PDE3B: variants seen among roughly 807,000 people sequenced by gnomAD.
PDE3B encodes phosphodiesterase 3B, also known as cGMP-inhibited 3',5'-cyclic phosphodiesterase 3B.
PDE3B carries 66 observed loss-of-function variants against 116.8 expected under a neutral mutation model. The observed-to-expected ratio is 0.56, with a 90% CI of 0.46 to 0.69. The LOEUF is 0.69. Ranked by LOEUF, PDE3B falls within the 30% of genes least tolerant of loss-of-function variation. The probability of loss-of-function intolerance (pLI) is 0.00; values close to 1 mark genes in which losing one functional copy is unlikely to be tolerated. For synonymous variants in PDE3B, 595 were observed against 533.6 expected (o/e 1.12, Z -1.59); for missense variants, 1,384 against 1,368.1 (o/e 1.01, Z -0.18).
intron 1 of PDE3B, among the ~76,000 whole-genome samples, chr11:14,721,665 A>G (rs1317132877): frequency 2.3e-5 from 3 of 133,312 alleles, no homozygotes; most frequent in Non-Finnish European, 3.1e-5. Flanking sequence ...TCAGTAAACT[A>G]TCGCAAGAAC....
rs1199509552 is a variant in PDE3B, at chr11:14,725,405, TTC to T, written c.979-46528_979-46527del. 1.1e-4 allele frequency among the ~76,000 whole-genome samples: 17 copies of T among 149,296 alleles called. No homozygotes were observed. In the South Asian group the frequency reaches 2.4e-3, roughly 21 times the overall value. ...CTTCCTTCCTTCCTTGCTTCCTTCT[TTC>T]TCTTTTTCTTTTCCCTTCCTTCCTT... On this transcript the variant is annotated intron_variant, in intron 1 of 15. Transcript: ENST00000282096.
At chr11:14,778,805 C>G (rs564232493) in intron 2 of PDE3B, among the ~76,000 whole-genome samples, 2 of 152,308 alleles carry the variant, frequency 1.3e-5, no homozygotes, top group South Asian at 4.1e-4. Flanking sequence ...TGGAACAAAG[C>G]TGGACGGAGA....
rs1390540740 is a variant in PDE3B at position 14,691,116 on chromosome 11, T to C, written c.978+46063T>C. On this transcript the variant is annotated intron_variant, in intron 1 of 15. Transcript: ENST00000282096. ...CATAGGAGTGTTCTAAATAGTAGAA[T>C]TCAGTAAAGGTGATTTAATTGTTAC... 7.9e-5 allele frequency among the ~76,000 whole-genome samples: 12 copies of C among 152,332 alleles called. No homozygotes were observed. In the East Asian group the frequency reaches 1.9e-3, roughly 24 times the overall value.
chr11:14,645,538 C>G (rs890966091), intron 1 of PDE3B, among the ~76,000 whole-genome samples: 1 of 151,994 alleles, frequency 6.6e-6, no homozygotes, highest in Non-Finnish European at 1.5e-5. Flanking sequence ...TATTGAAAAT[C>G]GAGAGGAAAA....
At chr11:14,814,831 G>A (rs1441727484) in intron 5 of PDE3B, among the ~76,000 whole-genome samples, 4 of 152,020 alleles carry the variant, frequency 2.6e-5, no homozygotes, top group African/African-American at 7.2e-5. Flanking sequence ...GCGTGGTGGC[G>A]GGCACCTGTA....
intron 1 of PDE3B, among the ~76,000 whole-genome samples, chr11:14,658,412 A>C (rs1222327469): frequency 1.3e-5 from 2 of 152,084 alleles, no homozygotes; most frequent in Non-Finnish European, 1.5e-5. Context: ...GCTGAAGTGC[A>C]ATGGCACTAT....
intron 1 of PDE3B, among the ~76,000 whole-genome samples, chr11:14,703,810 T>A (rs1025642414): frequency 1.3e-5 from 2 of 151,494 alleles, no homozygotes; most frequent in African/African-American, 4.8e-5. Flanking sequence ...TTCTTACTAG[T>A]TTAATATTTT....
At chr11:14,860,333 CTCTTCTCTCAAGTG>C (rs368115635) in intron 13 of PDE3B, among the ~76,000 whole-genome samples, 7 of 151,374 alleles carry the variant, frequency 4.6e-5, no homozygotes, top group African/African-American at 1.7e-4. Context: ...ATCAAAAGAG[CTCTTCTCTCAAGTG>C]TTTTCTATGG....
intron 1 of PDE3B, among the ~76,000 whole-genome samples, chr11:14,661,585 A>T (rs1366422361): frequency 6.6e-6 from 1 of 152,210 alleles, no homozygotes; most frequent in African/African-American, 2.4e-5. Context: ...GCACCTGGAA[A>T]ATCGGGTCAC....
intron 13 of PDE3B, among the ~76,000 whole-genome samples, chr11:14,859,858 G>A (rs1229895220): frequency 2.6e-5 from 4 of 152,114 alleles, no homozygotes; most frequent in Non-Finnish European, 5.9e-5. Flanking sequence ...CCAGTATGAC[G>A]GTGGTACTCA....
At chr11:14,896,550 T>C in the PDE3B span, among the ~76,000 whole-genome samples, 4 of 152,222 alleles carry the variant, frequency 2.6e-5, no homozygotes, top group Non-Finnish European at 5.9e-5. Flanking sequence ...ATTTTTGTTT[T>C]CTGAAGTAAA....
chr11:14,745,737 C>T (rs1011896303), intron 1 of PDE3B, among the ~76,000 whole-genome samples: 1 of 151,836 alleles, frequency 6.6e-6, no homozygotes, highest in African/African-American at 2.4e-5. Flanking sequence ...TTTTTCCACC[C>T]TCCCTGCCTG....
chr11:14,837,971 A>T (rs574967409), intron 11 of PDE3B, among the ~76,000 whole-genome samples: 7 of 151,430 alleles, frequency 4.6e-5, no homozygotes, highest in Admixed American at 2.0e-4. Context: ...TTTTTTTTTT[A>T]ATTTATTTTA....
chr11:14,677,911 G>A (rs1351742272), intron 1 of PDE3B, among the ~76,000 whole-genome samples: 1 of 152,152 alleles, frequency 6.6e-6, no homozygotes, highest in African/African-American at 2.4e-5. Flanking sequence ...GGATGTACCT[G>A]TTTATCCATT....
At chr11:14,857,280 T>C (rs533014861) in intron 12 of PDE3B, among the ~76,000 whole-genome samples, 3 of 152,360 alleles carry the variant, frequency 2.0e-5, no homozygotes, top group South Asian at 2.1e-4. Context: ...CTTTTTTCTC[T>C]GCTTCTAAGA....
At chr11:14,684,850 T>C (rs771310228) in intron 1 of PDE3B, among the ~76,000 whole-genome samples, 7 of 152,176 alleles carry the variant, frequency 4.6e-5, no homozygotes, top group Non-Finnish European at 8.8e-5. Context: ...CTATTCTGCC[T>C]GAACTTGCAG....
At chr11:14,739,405 G>C (rs958095907) in intron 1 of PDE3B, among the ~76,000 whole-genome samples, 2 of 151,928 alleles carry the variant, frequency 1.3e-5, no homozygotes, top group African/African-American at 4.8e-5. Flanking sequence ...CTCTCTGTTT[G>C]CCTCTTATTG....
chr11:14,766,495 T>A (rs1857502001), intron 1 of PDE3B, among the ~76,000 whole-genome samples: 1 of 151,682 alleles, frequency 6.6e-6, no homozygotes, highest in African/African-American at 2.4e-5. Flanking sequence ...TTTTTGCTCT[T>A]TATATTTTAT....
chr11:14,666,690 T>C (rs1854165342), intron 1 of PDE3B, among the ~76,000 whole-genome samples: 1 of 150,828 alleles, frequency 6.6e-6, no homozygotes, highest in African/African-American at 2.4e-5. Flanking sequence ...AAAATGCTCA[T>C]CATCACTGGC....
Sources: gnomAD v4.1 joint callset for allele counts (sites outside exome capture counted in the v4.1 genomes callset) on GRCh38, gnomAD v4.1.1 for gene constraint, MANE v1.5 for transcripts, NCBI Gene and HGNC (gene_info 2026-07-23, HGNC 2026-07-21) for gene names.